The following CHD8 variants were observed in gnomAD, a reference collection of about 807,000 sequenced individuals.
The protein encoded by CHD8 is chromodomain helicase DNA binding protein 8, also known as ATP-dependent chromatin remodeler CHD8.
A neutral mutation model predicts 279.2 loss-of-function variants in CHD8; 31 were observed. That is an observed-to-expected ratio of 0.11 (90% CI 0.08 to 0.15). The LOEUF is 0.15. Among genes scored for constraint, CHD8 ranks in the 10% least tolerant of loss-of-function variants. The pLI, the probability that CHD8 is intolerant of heterozygous loss-of-function variation, is 1.00. For missense variants in CHD8, 2,146 were observed against 3,230.5 expected (o/e 0.66, Z 8.14); for synonymous variants, 1,081 against 1,139.6 (o/e 0.95, Z 1.04).
Position 21,405,396 on chromosome 14 carries a change from G to A in CHD8, c.3120C>T (p.Asn1040=). Residue 1040 remains asparagine, a synonymous_variant, in exon 16 of 38, where the codon AAC becomes AAT. Transcript: ENST00000646647. This position sits in a 1 kb window ranked among gnomAD's most constrained non-coding sequence, Gnocchi z 4.2. ...LRRLKEDVEK[N]LAPKQETIIE... is the part of the protein sequence containing the mutation. ...TAATTGTTTCCTGTTTGGGTGCCAAGTTTTTTTCAACATCCTCTTTGAGTC... is the reference window on the plus strand; with the variant it reads ...TAATTGTTTCCTGTTTGGGTGCCAAATTTTTTTCAACATCCTCTTTGAGTC... 1 of 1,599,686 alleles carries A rather than the reference G, an allele frequency of 6.3e-7. No homozygotes were observed. The highest frequency in any genetic ancestry group is 8.5e-7 in the Non-Finnish European group (1 of 1,172,240).
chr14:21,390,047 C>T (rs1887456353), intron 37 of CHD8, among the ~76,000 whole-genome samples: 1 of 152,044 alleles, frequency 6.6e-6, no homozygotes, highest in African/African-American at 2.4e-5. Context: ...GCAGCTTGGC[C>T]AACGTGGTGA....
intron 5 of CHD8, chr14:21,419,977 T>C (rs891204281): frequency 2.1e-4 from 40 of 194,724 alleles, no homozygotes; most frequent in Non-Finnish European, 1.3e-4. Context: ...AGCCATCAGA[T>C]TGCGCATTGC....
Position 21,392,613 on chromosome 14 carries a change from G to A in CHD8, c.6665C>T (p.Ala2222Val). The change falls in exon 34 of 38, where the codon GCT (alanine) becomes GTT (valine). Residue 2222 changes from alanine to valine, a missense_variant. Ala to Val is a moderately conservative substitution (Grantham distance 64). Around this residue, in one of 26 missense-constraint regions of CHD8, gnomAD observed 513 missense variants for 637.6 expected, o/e 0.80. Coordinates refer to ENST00000646647, the MANE Select transcript of CHD8 (RefSeq NM_001170629.2). ...PVPTPRSSSAASMAEEEASAV... is the reference protein window; with the variant it reads ...PVPTPRSSSAVSMAEEEASAV... Reference sequence around the variant, plus strand: ...AGATGCTTCCTCCTCTGCCATGGAAGCTGCACTACTACTTCGTGGTGTGGG... The same window carrying A: ...AGATGCTTCCTCCTCTGCCATGGAAACTGCACTACTACTTCGTGGTGTGGG... 6.2e-7 allele frequency: 1 copy of A among 1,613,980 alleles called. No homozygotes were observed. Among genetic ancestry groups the A allele is most frequent in the Non-Finnish European group, 8.5e-7 (1 of 1,179,884 alleles).
chr14:21,409,713 G>T, intron 11 of CHD8, 138 bp downstream of exon 11: 1 of 707,396 alleles, frequency 1.4e-6, no homozygotes, highest in Non-Finnish European at 2.3e-6. Context: ...TGGGTGATGG[G>T]TACATTATAC....
chr14:21,448,659 C>A (rs914926554), intron 1 of CHD8, among the ~76,000 whole-genome samples: 3 of 151,894 alleles, frequency 2.0e-5, no homozygotes, highest in African/African-American at 7.2e-5. Flanking sequence ...CAGATTCAAG[C>A]GATTCTCCTG....
At position 21,386,053 on chromosome 14, in the gene CHD8, C is replaced by T; in HGVS notation, c.7306G>A (p.Gly2436Arg). 1 of 1,592,238 alleles carries T rather than the reference C, an allele frequency of 6.3e-7. No homozygotes were observed. The highest frequency in any genetic ancestry group is 8.6e-7 in the Non-Finnish European group (1 of 1,169,002). Residue 2436 changes from glycine to arginine, a missense_variant, in exon 38 of 38, where the codon GGA becomes AGA. Physicochemically the swap from Gly to Arg is moderately radical, Grantham distance 125. Around this residue, in one of 26 missense-constraint regions of CHD8, gnomAD observed 336 missense variants for 392.9 expected, o/e 0.86. Transcript: ENST00000646647. ...LSKMMALMQG[G>R]STGSLSLHNT... ...TGCAGAGATAGAGACCCAGTGCTTC[C>T]ACCCTGCATGAGGGCCATCATCTTA... is the stretch of plus-strand genomic sequence containing the variant.
chr14:21,423,406 C>T (rs114431015), intron 5 of CHD8, among the ~76,000 whole-genome samples: 1,958 of 152,240 alleles, frequency 0.013, 41 homozygotes, highest in African/African-American at 0.045. Context: ...AACAAACCTA[C>T]TCTCTCAATG....
chr14:21,437,362 GGGACTA>G (rs758501187), intron 1 of CHD8: 42 of 702,448 alleles, frequency 6.0e-5, no homozygotes, highest in Non-Finnish European at 7.7e-5. Flanking sequence ...CGCAAAGGGT[GGGACTA>G]TAAGGAGCTC....
At chr14:21,413,195 C>T (rs1888575837) in intron 9 of CHD8, among the ~76,000 whole-genome samples, 199 bp from the exon 10 acceptor site, 1 of 152,190 alleles carries the variant, frequency 6.6e-6, no homozygotes, top group Non-Finnish European at 1.5e-5. Flanking sequence ...CACCTGCTAC[C>T]AGTGAGTGTC....
At chr14:21,436,241 G>A (rs1319677164) in intron 1 of CHD8, among the ~76,000 whole-genome samples, 5 of 152,170 alleles carry the variant, frequency 3.3e-5, no homozygotes, top group African/African-American at 4.8e-5. Flanking sequence ...ATCCTTTCAA[G>A]AAGATCAGTT....
chr14:21,432,226 G>T (rs1197485539), intron 1 of CHD8, among the ~76,000 whole-genome samples: 1 of 151,978 alleles, frequency 6.6e-6, no homozygotes, highest in Non-Finnish European at 1.5e-5. Context: ...TCAAAAATAT[G>T]CCACCAGAAT....
chr14:21,412,041 G>T (rs763551524), intron 10 of CHD8, among the ~76,000 whole-genome samples: 10 of 151,522 alleles, frequency 6.6e-5, no homozygotes, highest in Non-Finnish European at 1.5e-4. Flanking sequence ...CCCAACCTGG[G>T]TGACAGAGTG....
chr14:21,451,427 C>T (rs1300313967), intron 1 of CHD8, among the ~76,000 whole-genome samples: 2 of 151,560 alleles, frequency 1.3e-5, no homozygotes, highest in Non-Finnish European at 2.9e-5. Flanking sequence ...AAAAATTAGC[C>T]GGGCATGGTG....
chr14:21,441,682 A>T (rs980458227), intron 1 of CHD8, among the ~76,000 whole-genome samples: 2 of 151,964 alleles, frequency 1.3e-5, no homozygotes, highest in Non-Finnish European at 2.9e-5. Context: ...AGGTCAGGAG[A>T]TGGAGACCAT....
At chr14:21,444,686 T>A (rs1000460739) in intron 1 of CHD8, among the ~76,000 whole-genome samples, 7 of 152,090 alleles carry the variant, frequency 4.6e-5, no homozygotes, top group African/African-American at 1.7e-4. Context: ...TTTCCTTCAA[T>A]CTATTTAACC....
At chr14:21,409,406 A>G (rs917804463) in intron 11 of CHD8, among the ~76,000 whole-genome samples, 2 of 152,230 alleles carry the variant, frequency 1.3e-5, no homozygotes, top group African/African-American at 4.8e-5. Context: ...CTTGAGACAT[A>G]TTAACTGATA....
chr14:21,414,789 T>C (rs1385052620), intron 8 of CHD8, 149 bp downstream of exon 8: 1 of 677,526 alleles, frequency 1.5e-6, no homozygotes, highest in African/African-American at 1.8e-5. Context: ...CCTGAATTTC[T>C]CTCTGAATAG....
rs761219950 is a variant in CHD8, at chr14:21,393,677, C to T, written c.6118G>A (p.Asp2040Asn). ...GAGGGGGATACTCGCATCTCATAGT[C>T]TTGTGGGGTTGGTCGGCTCCTGGCC... ...VVARSRPTPQDYEMRVSPSDT... is the reference protein window; with the variant it reads ...VVARSRPTPQNYEMRVSPSDT... Residue 2040 changes from aspartate to asparagine, a missense_variant, in exon 32 of 38, where the codon GAC (aspartate) becomes AAC (asparagine). By Grantham distance (23) the Asp-to-Asn change is conservative. Coordinates refer to ENST00000646647, the MANE Select transcript of CHD8 (RefSeq NM_001170629.2). The T allele has an allele frequency of 8.1e-6, 13 of 1,613,978 alleles. No individual in the cohort carries two copies. Among genetic ancestry groups the T allele is most frequent in the Non-Finnish European group, 1.1e-5 (13 of 1,179,880 alleles).
At chr14:21,407,712 G>T (rs955223804) in intron 13 of CHD8, among the ~76,000 whole-genome samples, 1 of 151,892 alleles carries the variant, frequency 6.6e-6, no homozygotes, top group Non-Finnish European at 1.5e-5. Context: ...GGTTTCAAGC[G>T]ATTCTCCTGC....
Sources: gnomAD v4.1 joint callset for allele counts (sites outside exome capture counted in the v4.1 genomes callset) on GRCh38, gnomAD v4.1.1 for gene constraint, gnomAD v4.1.1 regional missense constraint, Gnocchi (gnomAD v3.1) non-coding constraint, MANE v1.5 for transcripts, NCBI Gene and HGNC (gene_info 2026-07-23, HGNC 2026-07-21) for gene names.